The following MSRA variants were observed in gnomAD, a reference collection of about 807,000 sequenced individuals.
MSRA encodes the protein methionine sulfoxide reductase A.
Under a neutral mutation model 31.3 loss-of-function variants are expected in MSRA, and 54 were observed. The ratio of observed to expected loss-of-function variants is 1.73; its 90% confidence interval spans 1.39 to 2.17. MSRA has a LOEUF of 2.17. Ranked by LOEUF, MSRA falls within the 30% of genes most tolerant of loss-of-function variation. MSRA has a pLI of 0.00. For synonymous variants in MSRA, 169 were observed against 116.5 expected (o/e 1.45, Z -2.90); for missense variants, 507 against 300.9 (o/e 1.69, Z -5.07).
At chr8:10,185,852 T>C (rs139171025) in intron 1 of MSRA, among the ~76,000 whole-genome samples, 57 of 152,262 alleles carry the variant, frequency 3.7e-4, no homozygotes, top group African/African-American at 9.9e-4. Flanking sequence ...TCACCCCTTA[T>C]GATTCTCACA....
At chr8:10,130,334 C>T (rs1801807542) in intron 1 of MSRA, among the ~76,000 whole-genome samples, 1 of 152,174 alleles carries the variant, frequency 6.6e-6, no homozygotes, top group Non-Finnish European at 1.5e-5. Flanking sequence ...CTTCCCTGTG[C>T]CCCGACTAAT....
chr8:10,143,555 A>G (rs971163842), intron 1 of MSRA, among the ~76,000 whole-genome samples: 1 of 152,162 alleles, frequency 6.6e-6, no homozygotes, highest in African/African-American at 2.4e-5. Context: ...GGCATAGATC[A>G]AACATTATTG....
chr8:10,337,260 AG>A (rs1319302609), intron 5 of MSRA: 9 of 154,310 alleles, frequency 5.8e-5, no homozygotes, highest in African/African-American at 2.2e-4. Flanking sequence ...GCTCACTGCA[AG>A]CTCCACCTCG....
intron 1 of MSRA, among the ~76,000 whole-genome samples, chr8:10,183,320 G>A (rs1409078405): frequency 1.3e-5 from 2 of 152,176 alleles, no homozygotes; most frequent in African/African-American, 4.8e-5. Flanking sequence ...AGACAGACCT[G>A]CAATGTGTCA....
In MSRA at chr8:10,385,272, C is replaced by T. The variant is rs150659113; in HGVS notation, c.544-42876C>T. 2.8e-3 allele frequency among the ~76,000 whole-genome samples: 433 copies of T among 152,148 alleles called. 1 individual carries two copies. The highest frequency in any genetic ancestry group is 0.01 in the African/African-American group (416 of 41,486). ...ATGGCAGCAGATGGGGAACTCAATT[C>T]GATACTGAAGTTGGGGGGATTCAGG... On this transcript the variant is annotated intron_variant, in intron 5 of 5. Transcript: ENST00000317173.
At chr8:10,074,422 G>C (rs1410443108) in intron 1 of MSRA, among the ~76,000 whole-genome samples, 1 of 151,980 alleles carries the variant, frequency 6.6e-6, no homozygotes, top group Non-Finnish European at 1.5e-5. Flanking sequence ...TGAAAAGTTT[G>C]TTGCTTTCAC....
At chr8:10,054,797 C>T (rs1802225947) in intron 1 of MSRA, 139 bp downstream of exon 1, 7 of 962,712 alleles carry the variant, frequency 7.3e-6, no homozygotes, top group African/African-American at 3.4e-5. Context: ...TGCGCAGGCG[C>T]GAAGGGGCGC....
chr8:10,401,458 G>A (rs962120182), intron 5 of MSRA, among the ~76,000 whole-genome samples: 2 of 152,156 alleles, frequency 1.3e-5, no homozygotes, highest in Non-Finnish European at 2.9e-5. Context: ...CTTGTGCATT[G>A]CTACTGGGAA....
chr8:10,272,012 A>G (rs1799069906), intron 3 of MSRA, among the ~76,000 whole-genome samples: 1 of 151,934 alleles, frequency 6.6e-6, no homozygotes, highest in African/African-American at 2.4e-5. Context: ...CCGGCCAGGT[A>G]CTCTTTTTTA....
chr8:10,260,155 A>C (rs1472805956), intron 3 of MSRA, among the ~76,000 whole-genome samples: 1 of 152,214 alleles, frequency 6.6e-6, no homozygotes, highest in East Asian at 1.9e-4. Flanking sequence ...AAAGGGAAGA[A>C]ATGAGCGGCT....
At chr8:10,185,092 C>A (rs1373746354) in intron 1 of MSRA, among the ~76,000 whole-genome samples, 3 of 152,204 alleles carry the variant, frequency 2.0e-5, no homozygotes, top group Non-Finnish European at 4.4e-5. Context: ...TCCTCTCTCT[C>A]AAGGCTGAAG....
intron 1 of MSRA, among the ~76,000 whole-genome samples, chr8:10,182,333 A>G (rs1806618389): frequency 6.6e-6 from 1 of 152,210 alleles, no homozygotes; most frequent in Non-Finnish European, 1.5e-5. Context: ...TTGCTGAATG[A>G]TGCATCACAT....
chr8:10,131,842 G>A (rs1386916814), intron 1 of MSRA, among the ~76,000 whole-genome samples: 3 of 152,148 alleles, frequency 2.0e-5, no homozygotes. Flanking sequence ...TTTCTCAGAA[G>A]TATAATCCCC....
chr8:10,221,971 G>T (rs941047973), intron 2 of MSRA, among the ~76,000 whole-genome samples: 1 of 152,134 alleles, frequency 6.6e-6, no homozygotes, highest in Non-Finnish European at 1.5e-5. Flanking sequence ...GAGACTACGA[G>T]ATCATGAAGG....
intron 5 of MSRA, among the ~76,000 whole-genome samples, chr8:10,376,470 G>C (rs149189841): frequency 3.9e-5 from 6 of 152,280 alleles, no homozygotes; most frequent in Admixed American, 3.9e-4. Flanking sequence ...TCTTGGGCAT[G>C]GCACATTGCT....
intron 1 of MSRA, among the ~76,000 whole-genome samples, chr8:10,109,631 T>C (rs369450157): frequency 6.6e-6 from 1 of 152,242 alleles, no homozygotes; most frequent in African/African-American, 2.4e-5. Flanking sequence ...TGTACGCCAC[T>C]GTGCCCAGTC....
chr8:10,078,238 C>T (rs1291459887), intron 1 of MSRA, among the ~76,000 whole-genome samples: 1 of 152,228 alleles, frequency 6.6e-6, no homozygotes, highest in Non-Finnish European at 1.5e-5. Flanking sequence ...TCTTCCTCCT[C>T]TTTACCCTCC....
At chr8:10,411,544 T>A (rs1808159983) in intron 5 of MSRA, 1 of 151,818 alleles carries the variant, frequency 6.6e-6, no homozygotes, top group African/African-American at 2.4e-5. Context: ...TCAGCCAATA[T>A]AGTGTGAGGT....
chr8:10,369,775 C>A (rs913681069), intron 5 of MSRA, among the ~76,000 whole-genome samples: 1 of 151,966 alleles, frequency 6.6e-6, no homozygotes, highest in Admixed American at 6.5e-5. Flanking sequence ...CCAGTTAATC[C>A]AAAAAATACT....
Sources: gnomAD v4.1 joint callset for allele counts (sites outside exome capture counted in the v4.1 genomes callset) on GRCh38, gnomAD v4.1.1 for gene constraint, MANE v1.5 for transcripts, NCBI Gene and HGNC (gene_info 2026-07-23, HGNC 2026-07-21) for gene names.